The following SH3BP5 variants were observed in gnomAD, a reference collection of about 807,000 sequenced individuals.
SH3BP5 encodes SH3 domain binding protein 5.
Under a neutral mutation model 43.3 loss-of-function variants are expected in SH3BP5, and 22 were observed. The ratio of observed to expected loss-of-function variants is 0.51; its 90% CI spans 0.36 to 0.73. The LOEUF (loss-of-function observed/expected upper bound fraction) is 0.73. SH3BP5 is among the 30% of genes least tolerant of loss of function. The pLI, the probability that SH3BP5 is intolerant of heterozygous loss-of-function variation, is 0.00. For synonymous variants in SH3BP5, 255 were observed against 225.8 expected, an observed-to-expected ratio of 1.13 and a Z score of -1.16; for missense variants, 529 against 586.9, an observed-to-expected ratio of 0.90 and a Z score of 1.02.
chr3:15,259,608 C>T (rs1276911793), intron 6 of SH3BP5, 153 bp downstream of exon 6: 13 of 799,942 alleles, frequency 1.6e-5, no homozygotes, highest in Admixed American at 1.0e-4. Flanking sequence ...AAGACCCAAC[C>T]GAGACAATTT....
Position 15,332,382 on chromosome 3 carries a change from G to T in SH3BP5, c.27C>A (p.Arg9=). MDAALKRS[R]SEEPAEILPP... ...GCAGGATTTCGGCTGGCTCCTCCGA[G>T]CGGCTCCGCTTCAGTGCCGCGTCCA... Residue 9 remains arginine (R), a synonymous_variant, in exon 1 of 9, where the codon CGC becomes CGA. Coordinates refer to ENST00000383791, the MANE Select transcript of SH3BP5 (RefSeq NM_004844.5). The T allele has an allele frequency of 6.5e-7, 1 of 1,538,256 alleles. No individual in the cohort carries two copies.
Position 15,256,912 on chromosome 3 carries a change from A to G in SH3BP5, c.1091T>C (p.Val364Ala), listed in dbSNP as rs535836377. The G allele has an allele frequency of 1.2e-6, 2 of 1,614,104 alleles. No homozygotes were observed. The highest frequency in any genetic ancestry group is 1.7e-6 in the Non-Finnish European group (2 of 1,179,996). Residue 364 changes from valine to alanine, a missense_variant, in exon 8 of 9, where the codon GTG becomes GCG. Coordinates refer to ENST00000383791, the MANE Select transcript of SH3BP5 (RefSeq NM_004844.5). ...GCTGCATTCACTTCGAGGGCCCAAC[A>G]CTGGGAACATCATCCCAAACTCTGA... The part of the protein sequence containing the change: ...SLSEFGMMFP[V>A]LGPRSECSGA...
At chr3:15,296,341 T>C (rs9833338) in intron 3 of SH3BP5, among the ~76,000 whole-genome samples, 4,685 of 146,256 alleles carry the variant, frequency 0.032, 216 homozygotes, top group African/African-American at 0.099. Flanking sequence ...GGAAATCATA[T>C]ACACACACAC....
intron 4 of SH3BP5, among the ~76,000 whole-genome samples, chr3:15,266,382 CA>C (rs919827036): frequency 1.3e-5 from 2 of 152,182 alleles, no homozygotes; most frequent in Admixed American, 1.3e-4. Context: ...TCCTCTCCAG[CA>C]GCCACCTGGG....
At chr3:15,276,215 G>C (rs1696962993) in intron 3 of SH3BP5, among the ~76,000 whole-genome samples, 1 of 152,018 alleles carries the variant, frequency 6.6e-6, no homozygotes. Context: ...AACTTCCACT[G>C]TTGCCCACAA....
At chr3:15,335,408 C>T (rs1464005401), upstream of SH3BP5, among the ~76,000 whole-genome samples, 2 of 151,774 alleles carry the variant, frequency 1.3e-5, no homozygotes, top group Admixed American at 1.3e-4. Flanking sequence ...CACCTCATCT[C>T]TAATAAAAAT....
chr3:15,294,268 A>T (rs1488650964), intron 3 of SH3BP5, among the ~76,000 whole-genome samples: 3 of 148,610 alleles, frequency 2.0e-5, no homozygotes, highest in Non-Finnish European at 4.5e-5. Context: ...TCTAAGCCCC[A>T]GTTTCTTCTT....
At chr3:15,293,140 G>C (rs903284053) in intron 3 of SH3BP5, among the ~76,000 whole-genome samples, 38 of 152,270 alleles carry the variant, frequency 2.5e-4, no homozygotes, top group African/African-American at 9.2e-4. Context: ...GGAGAGTTAA[G>C]AGTCCATGCT....
At chr3:15,276,263 C>T (rs1696964057) in intron 3 of SH3BP5, among the ~76,000 whole-genome samples, 1 of 152,116 alleles carries the variant, frequency 6.6e-6, no homozygotes, top group Non-Finnish European at 1.5e-5. Flanking sequence ...TGCACATTTG[C>T]ATTGGCTACA....
At chr3:15,263,905 T>A (rs575383192) in intron 4 of SH3BP5, among the ~76,000 whole-genome samples, 1 of 152,304 alleles carries the variant, frequency 6.6e-6, no homozygotes, top group South Asian at 2.1e-4. Context: ...TAATTCTGTA[T>A]TCTCTGGGGA....
chr3:15,296,045 C>A (rs1473274839), intron 3 of SH3BP5, among the ~76,000 whole-genome samples: 1 of 152,080 alleles, frequency 6.6e-6, no homozygotes, highest in East Asian at 1.9e-4. Flanking sequence ...ATGTTGTGAC[C>A]AGAGGCTCTC....
At chr3:15,312,254 A>G (rs1698077822) in intron 2 of SH3BP5, among the ~76,000 whole-genome samples, 1 of 152,228 alleles carries the variant, frequency 6.6e-6, no homozygotes, top group Non-Finnish European at 1.5e-5. Flanking sequence ...CAGACATTAA[A>G]AAGACTTGCG....
Position 15,262,239 on chromosome 3 carries a change from C to CT in SH3BP5, c.545dup (p.Thr183AspfsTer31), listed in dbSNP as rs1463049754. On this transcript the variant is annotated frameshift_variant, in exon 5 of 9. Coordinates refer to ENST00000383791, the MANE Select transcript of SH3BP5 (RefSeq NM_004844.5). LOFTEE classifies it high-confidence loss of function. ...TGGCGGCATTGTACCTGGCTGCCGT[C>CT]TCCTTATGCACCAGCTCGCTCCTGG... 18 of 1,614,110 alleles carry CT rather than the reference C, an allele frequency of 1.1e-5. No individual in the cohort carries two copies. The highest frequency in any genetic ancestry group is 6.7e-5 in the African/African-American group (5 of 74,926).
At chr3:15,277,067 C>T (rs572475502) in intron 3 of SH3BP5, among the ~76,000 whole-genome samples, 1 of 152,282 alleles carries the variant, frequency 6.6e-6, no homozygotes, top group East Asian at 1.9e-4. Context: ...TCTCCTGCCT[C>T]AGCCTCCCAA....
chr3:15,261,417 T>G (rs895417112), intron 5 of SH3BP5, among the ~76,000 whole-genome samples: 11 of 152,346 alleles, frequency 7.2e-5, no homozygotes, highest in African/African-American at 2.6e-4. Flanking sequence ...CTCACTTGCA[T>G]GAGGACTGGG....
chr3:15,338,967 C>T (rs903171976), intron 1 of SH3BP5, among the ~76,000 whole-genome samples: 25 of 152,158 alleles, frequency 1.6e-4, no homozygotes, highest in Admixed American at 9.8e-4. Flanking sequence ...AAAGCTGGCT[C>T]GTAGGTCTTC....
At chr3:15,274,735 A>G (rs189271682) in intron 3 of SH3BP5, among the ~76,000 whole-genome samples, 440 of 152,298 alleles carry the variant, frequency 2.9e-3, no homozygotes, top group Admixed American at 4.8e-3. Context: ...TAGTAGAGAC[A>G]GGGTTTCGCC....
intron 7 of SH3BP5, 37 bp downstream of exon 7, chr3:15,258,794 A>C: frequency 6.5e-7 from 1 of 1,546,318 alleles, no homozygotes; most frequent in Non-Finnish European, 8.9e-7. Flanking sequence ...ACACAGTCTG[A>C]TATCTCCCCA....
chr3:15,290,821 C>A (rs543096558), intron 3 of SH3BP5, among the ~76,000 whole-genome samples: 1 of 152,138 alleles, frequency 6.6e-6, no homozygotes, highest in African/African-American at 2.4e-5. Context: ...GGTAAACTCC[C>A]CCCATGCCCA....
Sources: allele counts gnomAD v4.1 joint callset (sites outside exome capture counted in the v4.1 genomes callset), GRCh38; gene constraint gnomAD v4.1.1; transcripts MANE v1.5; gene names NCBI Gene and HGNC (gene_info 2026-07-23, HGNC 2026-07-21).